The following CNTNAP2 variants were observed in gnomAD, a reference collection of about 807,000 sequenced individuals.
CNTNAP2 encodes the protein contactin-associated protein-like 2.
Under a neutral mutation model 155.2 loss-of-function variants are expected in CNTNAP2, and 98 were observed. The observed-to-expected ratio is 0.63, with a 90% CI of 0.54 to 0.75. The LOEUF (loss-of-function observed/expected upper bound fraction) is 0.75, where lower values mean the gene tolerates loss of function less well. Ranked by LOEUF, CNTNAP2 falls within the 30% of genes least tolerant of loss-of-function variation. CNTNAP2 has a pLI of 0.00. For missense variants in CNTNAP2, 1,727 were observed against 1,688.1 expected, an observed-to-expected ratio of 1.02 and a Z score of -0.40; for synonymous variants, 651 against 631.2, an observed-to-expected ratio of 1.03 and a Z score of -0.47.
chr7:147,366,718 T>A (rs1017930804), intron 9 of CNTNAP2, among the ~76,000 whole-genome samples: 2 of 152,024 alleles, frequency 1.3e-5, no homozygotes, highest in Admixed American at 6.6e-5. Flanking sequence ...TCTTTTGATA[T>A]CCACAATCAA....
intron 12 of CNTNAP2, among the ~76,000 whole-genome samples, chr7:147,590,035 A>T (rs1163902798): frequency 6.6e-6 from 1 of 152,170 alleles, no homozygotes; most frequent in Non-Finnish European, 1.5e-5. Flanking sequence ...TTGTAGGTAA[A>T]AGTAGCCACA....
intron 21 of CNTNAP2, among the ~76,000 whole-genome samples, chr7:148,323,232 C>T (rs1797827137): frequency 6.7e-6 from 1 of 149,424 alleles, no homozygotes; most frequent in Non-Finnish European, 1.5e-5. Flanking sequence ...AGACCCAGAA[C>T]CGACTGGCTT....
At chr7:146,865,621 C>T (rs1404328055) in intron 3 of CNTNAP2, among the ~76,000 whole-genome samples, 1 of 152,052 alleles carries the variant, frequency 6.6e-6, no homozygotes, top group Admixed American at 6.6e-5. Flanking sequence ...TGCTGCTTCA[C>T]ATTCTACACA....
At chr7:146,753,709 C>T (rs1801944670) in intron 1 of CNTNAP2, among the ~76,000 whole-genome samples, 1 of 152,008 alleles carries the variant, frequency 6.6e-6, no homozygotes, top group African/African-American at 2.4e-5. Context: ...AAACCATTTT[C>T]ACCTGTGTTT....
At chr7:147,758,514 G>A (rs1253932711) in intron 13 of CNTNAP2, among the ~76,000 whole-genome samples, 1 of 152,124 alleles carries the variant, frequency 6.6e-6, no homozygotes, top group African/African-American at 2.4e-5. Context: ...AGGTGACGTA[G>A]TAAGGATCCT....
chr7:147,170,792 G>A (rs556541860), intron 8 of CNTNAP2, among the ~76,000 whole-genome samples: 1 of 152,172 alleles, frequency 6.6e-6, no homozygotes, highest in East Asian at 1.9e-4. Flanking sequence ...GGCAGCAGAC[G>A]CTTCACTGTG....
intron 8 of CNTNAP2, among the ~76,000 whole-genome samples, chr7:147,248,948 G>A (rs1804125694): frequency 6.6e-6 from 1 of 152,104 alleles, no homozygotes; most frequent in Non-Finnish European, 1.5e-5. Flanking sequence ...AATCAATGCT[G>A]GCCTTAATGG....
intron 17 of CNTNAP2, among the ~76,000 whole-genome samples, chr7:148,168,631 G>T (rs1439576992): frequency 6.6e-6 from 1 of 151,922 alleles, no homozygotes; most frequent in Non-Finnish European, 1.5e-5. Flanking sequence ...GTTAATGGGT[G>T]CAGCACACCA....
At chr7:147,755,739 A>G (rs1205339605) in intron 13 of CNTNAP2, among the ~76,000 whole-genome samples, 1 of 152,172 alleles carries the variant, frequency 6.6e-6, no homozygotes, top group Non-Finnish European at 1.5e-5. Flanking sequence ...TCCAGTTCGC[A>G]CTGGTTCCTA....
At chr7:147,140,425 T>A (rs1801568887) in intron 8 of CNTNAP2, among the ~76,000 whole-genome samples, 1 of 152,032 alleles carries the variant, frequency 6.6e-6, no homozygotes, top group Non-Finnish European at 1.5e-5. Flanking sequence ...GCTATTTTAT[T>A]TTTAACCCTG....
intron 1 of CNTNAP2, among the ~76,000 whole-genome samples, chr7:146,432,827 G>T (rs1210782660): frequency 1.3e-5 from 2 of 152,080 alleles, no homozygotes; most frequent in African/African-American, 4.8e-5. Flanking sequence ...TTGATGCATT[G>T]GTCTCATAAG....
At chr7:146,194,060 G>T (rs538731925) in intron 1 of CNTNAP2, among the ~76,000 whole-genome samples, 1 of 152,134 alleles carries the variant, frequency 6.6e-6, no homozygotes, top group Admixed American at 6.5e-5. Context: ...ATCACTATCC[G>T]CATTTTGGTC....
chr7:146,992,544 G>A (rs918400019), intron 3 of CNTNAP2, among the ~76,000 whole-genome samples: 1 of 152,062 alleles, frequency 6.6e-6, no homozygotes, highest in Non-Finnish European at 1.5e-5. Context: ...TTGAATCCCA[G>A]GTTCCACCCC....
chr7:148,036,978 A>G (rs187545181), intron 15 of CNTNAP2, among the ~76,000 whole-genome samples: 3 of 152,322 alleles, frequency 2.0e-5, no homozygotes, highest in African/African-American at 7.2e-5. Flanking sequence ...ACAAGTGGTA[A>G]TAATTCTAAT....
At chr7:148,038,294 A>G (rs1471668057) in intron 15 of CNTNAP2, among the ~76,000 whole-genome samples, 1 of 152,190 alleles carries the variant, frequency 6.6e-6, no homozygotes, top group Non-Finnish European at 1.5e-5. Context: ...CATATCATCC[A>G]GACTGCCTTG....
intron 13 of CNTNAP2, among the ~76,000 whole-genome samples, chr7:147,761,217 T>C (rs1055849940): frequency 6.6e-6 from 1 of 152,232 alleles, no homozygotes; most frequent in African/African-American, 2.4e-5. Context: ...AGAATACACA[T>C]TGGAAACTTC....
At chr7:148,096,314 T>C (rs906225218) in intron 15 of CNTNAP2, among the ~76,000 whole-genome samples, 1 of 146,664 alleles carries the variant, frequency 6.8e-6, no homozygotes, top group African/African-American at 2.6e-5. Context: ...TGTGTGTGTG[T>C]GGTCACAGTG....
At chr7:147,534,801 C>T (rs1205817067) in intron 11 of CNTNAP2, among the ~76,000 whole-genome samples, 8 of 152,084 alleles carry the variant, frequency 5.3e-5, no homozygotes, top group Middle Eastern at 6.3e-3. Flanking sequence ...TCTATCCACT[C>T]GTTGAAATTT....
chr7:147,787,184 G>C (rs1277436398), intron 13 of CNTNAP2, among the ~76,000 whole-genome samples: 1 of 152,140 alleles, frequency 6.6e-6, no homozygotes, highest in Non-Finnish European at 1.5e-5. Context: ...CATGAAAATG[G>C]GATTGCAAAG....
Sources: allele counts gnomAD v4.1 joint callset (sites outside exome capture counted in the v4.1 genomes callset), GRCh38; gene constraint gnomAD v4.1.1; transcripts MANE v1.5; gene names NCBI Gene and HGNC (gene_info 2026-07-23, HGNC 2026-07-21).